SERPINB1: variants seen among roughly 807,000 people sequenced by gnomAD.
SERPINB1 encodes the protein serpin family B member 1.
Under a neutral mutation model 25.9 loss-of-function variants are expected in SERPINB1, and 23 were observed. The observed-to-expected ratio is 0.89, with a 90% confidence interval of 0.64 to 1.26. SERPINB1 has a LOEUF of 1.26. Among genes scored for constraint, SERPINB1 ranks in the 50% most tolerant of loss-of-function variants. The probability of loss-of-function intolerance (pLI) is 0.00; values close to 1 mark genes in which losing one functional copy is unlikely to be tolerated. For synonymous variants in SERPINB1, 178 were observed against 178.7 expected, an observed-to-expected ratio of 1.00 and a Z score of 0.03; for missense variants, 399 against 463.6, an observed-to-expected ratio of 0.86 and a Z score of 1.28.
At chr6:2,836,059 T>C in intron 5 of SERPINB1, 36 bp from the exon 6 acceptor site, 2 of 1,613,864 alleles carry the variant, frequency 1.2e-6, no homozygotes, top group Non-Finnish European at 1.7e-6. Context: ...AATTATTCTC[T>C]GCATTCTTTT....
At position 2,840,611 on chromosome 6, in the gene SERPINB1, G is replaced by T; in HGVS notation, c.-8-17C>A. 6.3e-7 allele frequency: 1 copy of T among 1,585,140 alleles called. No individual in the cohort carries two copies. The highest frequency in any genetic ancestry group is 8.6e-7 in the Non-Finnish European group (1 of 1,165,332). On this transcript the variant is annotated splice_polypyrimidine_tract_variant and intron_variant, in intron 1 of 6. Transcript: ENST00000380739. The stretch of plus-strand genomic sequence containing the variant: ...TGGTGAAAACTGCAACACAGAACAG[G>T]GTCCTCATGGTGCCCACTGCCCACG...
rs566791147 is a variant in SERPINB1 at position 2,841,378 on chromosome 6, T to G, written c.-9+434A>C. Reference sequence around the variant, plus strand: ...CTGATTTCTCCTTGTTGTGAAATCGTCTCTAGAATCGCACGGGGTTCCTCC... The same window carrying G: ...CTGATTTCTCCTTGTTGTGAAATCGGCTCTAGAATCGCACGGGGTTCCTCC... On this transcript the variant is annotated intron_variant, in intron 1 of 6. Transcript: ENST00000380739. This position sits in a 1 kb window ranked among gnomAD's most constrained non-coding sequence, Gnocchi z 4.5. 7.2e-5 allele frequency: 11 copies of G among 152,452 alleles called. No individual in the cohort carries two copies. The highest frequency in any genetic ancestry group is 2.6e-4 in the African/African-American group (11 of 41,568). The allele number at this position is 152,452 out of a possible 1,614,324, so 9.4% of individuals were successfully genotyped here.
chr6:2,835,232 C>T (rs553756201), intron 6 of SERPINB1, among the ~76,000 whole-genome samples: 17 of 152,218 alleles, frequency 1.1e-4, no homozygotes, highest in Non-Finnish European at 1.2e-4. Context: ...GTAAATAGGC[C>T]TAACATGTCA....
intron 6 of SERPINB1, 86 bp downstream of exon 6, chr6:2,835,770 A>G: frequency 7.1e-7 from 1 of 1,411,008 alleles, no homozygotes; most frequent in Non-Finnish European, 9.6e-7. Flanking sequence ...AAAATGCACC[A>G]TCAGTGAACA....
intron 3 of SERPINB1, 43 bp from the exon 4 acceptor site, chr6:2,838,042 T>G: frequency 7.6e-7 from 1 of 1,307,972 alleles, no homozygotes; most frequent in Non-Finnish European, 1.1e-6. Context: ...TAACTCCTAC[T>G]ACATATAGAA....
rs1766639395 is a variant in SERPINB1 at position 2,841,093 on chromosome 6, C to A, written c.-8-499G>T. The A allele has an allele frequency of 6.6e-6, 1 of 152,270 alleles. No individual in the cohort carries two copies. Among genetic ancestry groups the A allele is most frequent in the Non-Finnish European group, 1.5e-5 (1 of 68,082 alleles). The allele number at this position is 152,270 out of a possible 1,614,324, so 9.4% of individuals were successfully genotyped here. ...TACCTACTATGCATTAAAACTCCAG[C>A]AAAGGTATCACTGTAATTATTATAA... On this transcript the variant is annotated intron_variant, in intron 1 of 6. Transcript: ENST00000380739. This position sits in a 1 kb window ranked among gnomAD's most constrained non-coding sequence, Gnocchi z 4.5.
At chr6:2,834,118 T>C in intron 6 of SERPINB1, 106 bp from the exon 7 acceptor site, 3 of 1,084,382 alleles carry the variant, frequency 2.8e-6, no homozygotes, top group Non-Finnish European at 3.8e-6. Flanking sequence ...TGCTAGTTAG[T>C]TTCCTTCATG....
intron 2 of SERPINB1, chr6:2,839,262 AC>A (rs1335669636): frequency 1.0e-6 from 1 of 959,304 alleles, no homozygotes; most frequent in Non-Finnish European, 1.2e-6. Flanking sequence ...GTTTTATGAG[AC>A]CTAGGCTGGT....
At chr6:2,840,224 G>A (rs1176665845) in intron 2 of SERPINB1, among the ~76,000 whole-genome samples, 195 bp downstream of exon 2, 2 of 152,150 alleles carry the variant, frequency 1.3e-5, no homozygotes, top group African/African-American at 2.4e-5. Flanking sequence ...TTCCTGGTAC[G>A]TGGTAGGTAC....
Position 2,833,754 on chromosome 6 carries a change from C to A in SERPINB1, c.994G>T (p.Glu332Ter). Residue 332 changes from glutamate to a stop codon, truncating the protein, a stop_gained, in exon 7 of 7, where the codon GAG becomes TAG. Transcript: ENST00000380739. LOFTEE classifies it low-confidence loss of function (END_TRUNC). ...SFVEVNEEGT[E>*]AAAATAGIAT... ...ATGCCTGCTGTGGCAGCTGCCGCCT[C>A]TGTTCCCTCTTCATTCACTTCCACA... The A allele has an allele frequency of 6.2e-7, 1 of 1,614,172 alleles. No individual in the cohort carries two copies. Among genetic ancestry groups the A allele is most frequent in the Non-Finnish European group, 8.5e-7 (1 of 1,180,030 alleles).
intron 4 of SERPINB1, among the ~76,000 whole-genome samples, chr6:2,836,729 C>T (rs1766503766): frequency 7.5e-6 from 1 of 133,440 alleles, no homozygotes; most frequent in Non-Finnish European, 1.7e-5. Flanking sequence ...GTGGCGCACA[C>T]CTGCAGTCCC....
At chr6:2,835,214 T>A (rs1304707777) in intron 6 of SERPINB1, among the ~76,000 whole-genome samples, 2 of 152,182 alleles carry the variant, frequency 1.3e-5, no homozygotes, top group Non-Finnish European at 2.9e-5. Context: ...CATGCAAAGA[T>A]CATACTAGTA....
intron 3 of SERPINB1, 65 bp downstream of exon 3, chr6:2,838,484 G>A: frequency 7.4e-7 from 1 of 1,349,260 alleles, no homozygotes; most frequent in Non-Finnish European, 9.7e-7. Context: ...TCCATGACTT[G>A]ATTGTGCTGG....
rs913846535 is a variant in SERPINB1 at position 2,837,081 on chromosome 6, A to G, written c.424+801T>C. ...AGTCCCCACCTACCACAACTTTTTT[A>G]CTGGACAAGATGTTGGCAAAAAATT... On this transcript the variant is annotated intron_variant, in intron 4 of 6. Transcript: ENST00000380739. This position sits in a 1 kb window ranked among gnomAD's most constrained non-coding sequence, Gnocchi z 4.3. 3.3e-5 allele frequency among the ~76,000 whole-genome samples: 5 copies of G among 152,278 alleles called. No homozygotes were observed. The highest frequency in any genetic ancestry group is 1.2e-4 in the African/African-American group (5 of 41,564).
At chr6:2,839,482 A>G in intron 2 of SERPINB1, 3 of 984,128 alleles carry the variant, frequency 3.0e-6, no homozygotes, top group Non-Finnish European at 3.6e-6. Flanking sequence ...AGAAGCAACT[A>G]ACAATTAGTA....
intron 6 of SERPINB1, among the ~76,000 whole-genome samples, chr6:2,834,342 G>C (rs1428205733): frequency 7.5e-6 from 1 of 132,808 alleles, no homozygotes; most frequent in Non-Finnish European, 1.6e-5. Flanking sequence ...CATCCACCCA[G>C]CTACCCAGCA....
chr6:2,833,529 A>AT lies in SERPINB1; in HGVS notation c.*78dup. The AT allele has an allele frequency of 7.8e-7, 1 of 1,289,186 alleles. No individual in the cohort carries two copies. The highest frequency in any genetic ancestry group is 1.1e-6 in the Non-Finnish European group (1 of 940,802). The allele number at this position is 1,289,186 out of a possible 1,614,324, so 79.9% of individuals were successfully genotyped here. A position where few individuals can be genotyped will look rare whatever the true frequency, so the allele number is the denominator to read the frequency against. On this transcript the variant is annotated 3_prime_UTR_variant, in exon 7 of 7. Transcript: ENST00000380739. ...GAACAGTGGTTTTATTGGTAAAGATATAAGACATATTGGCTCTATTAAAAA... is the reference window on the plus strand; with the variant it reads ...GAACAGTGGTTTTATTGGTAAAGATATTAAGACATATTGGCTCTATTAAAAA...
intron 2 of SERPINB1, among the ~76,000 whole-genome samples, chr6:2,839,697 G>C (rs747785636): frequency 8.5e-5 from 13 of 152,202 alleles, no homozygotes; most frequent in Non-Finnish European, 1.5e-5. Context: ...CTTAGAGAGA[G>C]AGAGCTAGAG....
In SERPINB1 at chr6:2,838,547, A is replaced by G. The variant is rs1045208931; in HGVS notation, c.306+2T>C. 9 of 1,594,968 alleles carry G rather than the reference A, an allele frequency of 5.6e-6. No individual in the cohort carries two copies. The highest frequency in any genetic ancestry group is 1.8e-5 in the Admixed American group (1 of 56,508). ...TTAGAATGTGAAGGGCAAAGTACTTACAGGAAGGAAATTGTAAGTTTTCTC... is the reference window on the plus strand; with the variant it reads ...TTAGAATGTGAAGGGCAAAGTACTTGCAGGAAGGAAATTGTAAGTTTTCTC... On this transcript the variant is annotated splice_donor_variant, in intron 3 of 6. Coordinates refer to ENST00000380739, the MANE Select transcript of SERPINB1 (RefSeq NM_030666.4). LOFTEE classifies it high-confidence loss of function.
Sources: gnomAD v4.1 joint callset for allele counts (sites outside exome capture counted in the v4.1 genomes callset) on GRCh38, gnomAD v4.1.1 for gene constraint, Gnocchi (gnomAD v3.1) non-coding constraint, MANE v1.5 for transcripts, NCBI Gene and HGNC (gene_info 2026-07-23, HGNC 2026-07-21) for gene names.